ADAMTS6: variants seen among roughly 807,000 people sequenced by gnomAD.
ADAMTS6 encodes the protein ADAM metallopeptidase with thrombospondin type 1 motif 6.
Under a neutral mutation model 144.3 loss-of-function variants are expected in ADAMTS6, and 23 were observed. The observed-to-expected ratio is 0.16, with a 90% CI of 0.11 to 0.23. ADAMTS6 has a LOEUF of 0.23. Ranked by LOEUF, ADAMTS6 falls within the 10% of genes least tolerant of loss-of-function variation. ADAMTS6 has a pLI of 1.00. For synonymous variants in ADAMTS6, 444 were observed against 457.5 expected (o/e 0.97, Z 0.38); for missense variants, 999 against 1,379.6 (o/e 0.72, Z 4.37).
chr5:65,279,603 C>A (rs766552668), intron 11 of ADAMTS6, among the ~76,000 whole-genome samples: 1 of 152,202 alleles, frequency 6.6e-6, no homozygotes, highest in South Asian at 2.1e-4. Context: ...AGGCATGAGC[C>A]ACTCTGCCTG....
intron 7 of ADAMTS6, among the ~76,000 whole-genome samples, chr5:65,439,638 G>T (rs1757717390): frequency 6.6e-6 from 1 of 152,076 alleles, no homozygotes; most frequent in Non-Finnish European, 1.5e-5. Context: ...TAGAACGTGT[G>T]ATCCTAGGTT....
intron 23 of ADAMTS6, among the ~76,000 whole-genome samples, chr5:65,171,363 A>G (rs1439839521): frequency 6.6e-6 from 1 of 152,146 alleles, no homozygotes. Context: ...GTGTATGATT[A>G]GGTCATTCTA....
At chr5:65,215,611 C>T in intron 18 of ADAMTS6, 124 bp from the exon 19 acceptor site, 1 of 788,280 alleles carries the variant, frequency 1.3e-6, no homozygotes, top group East Asian at 2.8e-5. Context: ...GACTCTTGAC[C>T]ATATTCTTAA....
At chr5:65,443,691 C>T (rs1580721494) in intron 7 of ADAMTS6, among the ~76,000 whole-genome samples, 2 of 146,852 alleles carry the variant, frequency 1.4e-5, no homozygotes, top group South Asian at 4.3e-4. Context: ...CTGTATTAAT[C>T]CACTTTAAAA....
intron 18 of ADAMTS6, among the ~76,000 whole-genome samples, chr5:65,216,919 T>G (rs576088736): frequency 3.3e-5 from 5 of 152,248 alleles, no homozygotes; most frequent in African/African-American, 1.2e-4. Context: ...TTTGTTAGTA[T>G]GCTAGCTGAC....
chr5:65,312,352 A>G (rs956088279), intron 9 of ADAMTS6, among the ~76,000 whole-genome samples: 3 of 152,028 alleles, frequency 2.0e-5, no homozygotes, highest in Non-Finnish European at 4.4e-5. Flanking sequence ...GTTCTTATAC[A>G]TAACTGAGCT....
At chr5:65,432,839 A>G (rs1440027590) in intron 7 of ADAMTS6, among the ~76,000 whole-genome samples, 1 of 152,082 alleles carries the variant, frequency 6.6e-6, no homozygotes, top group East Asian at 1.9e-4. Context: ...CAAACCCAGT[A>G]AGCTCATTCT....
chr5:65,291,469 A>C lies in ADAMTS6; in HGVS notation c.1372T>G (p.Ser458Ala). ...TTATCAAGGCAAGTACCACGGCCTG[A>C]ACTGTTCAACATAAAGGATCAAAGG... ...SRDYITSFLD[S>A]GRGTCLDNEP... Residue 458 changes from serine to alanine, a missense_variant and splice_region_variant, in exon 11 of 25, where the codon TCA becomes GCA. Transcript: ENST00000381055. 6.2e-7 allele frequency: 1 copy of C among 1,610,892 alleles called. No individual in the cohort carries two copies. The highest frequency in any genetic ancestry group is 8.5e-7 in the Non-Finnish European group (1 of 1,178,576).
chr5:65,200,411 T>C (rs1755657244), intron 20 of ADAMTS6, among the ~76,000 whole-genome samples: 1 of 152,232 alleles, frequency 6.6e-6, no homozygotes, highest in Admixed American at 6.5e-5. Context: ...ATCAAGCCTC[T>C]TGTACATAAC....
Position 65,298,822 on chromosome 5 carries a change from T to C in ADAMTS6, c.1370+1163A>G, listed in dbSNP as rs11748653. Reference sequence around the variant, plus strand: ...TAATAAAGCATTGTGCTAGGTAATTTAAAGTCTCTTGTTTGTGACCTTTTA... The same window carrying C: ...TAATAAAGCATTGTGCTAGGTAATTCAAAGTCTCTTGTTTGTGACCTTTTA... On this transcript the variant is annotated intron_variant, in intron 10 of 24. Transcript: ENST00000381055. Among the ~76,000 whole-genome samples the C allele has an allele frequency of 9.6e-3, 1,469 of 152,256 alleles. 15 individuals carry two copies. The highest frequency in any genetic ancestry group is 0.015 in the Non-Finnish European group (999 of 67,960).
chr5:65,463,395 G>C (rs753723564), intron 3 of ADAMTS6, among the ~76,000 whole-genome samples: 1 of 152,160 alleles, frequency 6.6e-6, no homozygotes, highest in Admixed American at 6.5e-5. Context: ...TACAGTGACT[G>C]AAGGGAGGGA....
intron 24 of ADAMTS6, among the ~76,000 whole-genome samples, chr5:65,164,048 C>G (rs957458225): frequency 3.3e-5 from 5 of 152,274 alleles, no homozygotes; most frequent in African/African-American, 7.2e-5. Flanking sequence ...CGAATAGGAA[C>G]AGCTCTGGTC....
chr5:65,253,779 G>A (rs10940022), intron 14 of ADAMTS6, among the ~76,000 whole-genome samples: 18,948 of 141,244 alleles, frequency 0.13, 1,295 homozygotes, highest in African/African-American at 0.15. Flanking sequence ...TTGTTAACTG[G>A]AAAATACTAA....
chr5:65,329,157 A>G (rs557083737), intron 9 of ADAMTS6, among the ~76,000 whole-genome samples: 57 of 152,276 alleles, frequency 3.7e-4, no homozygotes, highest in African/African-American at 8.9e-4. Context: ...AATGTGGTGC[A>G]TTCACCACTG....
At chr5:65,273,566 G>GCAA in intron 11 of ADAMTS6, 119 bp from the exon 12 acceptor site, 1 of 727,222 alleles carries the variant, frequency 1.4e-6, no homozygotes, top group Non-Finnish European at 2.3e-6. Flanking sequence ...TTTTGCTGCT[G>GCAA]AAGCATCGCA....
At chr5:65,478,980 C>G (rs1260576496) in intron 1 of ADAMTS6, among the ~76,000 whole-genome samples, 2 of 152,074 alleles carry the variant, frequency 1.3e-5, no homozygotes. Flanking sequence ...GTCTTTTTTC[C>G]TCTATCATCT....
intron 9 of ADAMTS6, among the ~76,000 whole-genome samples, chr5:65,328,123 A>C (rs1746344975): frequency 6.6e-6 from 1 of 152,144 alleles, no homozygotes; most frequent in Admixed American, 6.6e-5. Context: ...TGTCTGAATC[A>C]AGCCGGGTTT....
intron 20 of ADAMTS6, chr5:65,210,334 C>T (rs889479723): frequency 6.2e-6 from 1 of 160,484 alleles, no homozygotes; most frequent in African/African-American, 2.4e-5. Context: ...GCCTGTAGTC[C>T]CAGCTACACG....
intron 22 of ADAMTS6, among the ~76,000 whole-genome samples, chr5:65,177,696 A>T (rs1425637744): frequency 6.6e-6 from 1 of 152,208 alleles, no homozygotes; most frequent in Non-Finnish European, 1.5e-5. Context: ...ACTTAAAACA[A>T]ACTTTGGCAA....
Sources: allele counts gnomAD v4.1 joint callset (sites outside exome capture counted in the v4.1 genomes callset), GRCh38; gene constraint gnomAD v4.1.1; transcripts MANE v1.5; gene names NCBI Gene and HGNC (gene_info 2026-07-23, HGNC 2026-07-21).